GSE1: variants seen among roughly 807,000 people sequenced by gnomAD.
The protein encoded by GSE1 is Gse1 coiled-coil protein, also known as genetic suppressor element 1.
In GSE1, 32 loss-of-function variants were observed where a neutral mutation model predicts 112.6. The ratio of observed to expected loss-of-function variants is 0.28; its 90% CI spans 0.21 to 0.38. The LOEUF (loss-of-function observed/expected upper bound fraction) is 0.38, where lower values mean the gene tolerates loss of function less well. Ranked by LOEUF, GSE1 falls within the 10% of genes least tolerant of loss-of-function variation. GSE1 has a pLI of 1.00. For synonymous variants in GSE1, 1,115 were observed against 735.6 expected (o/e 1.52, Z -8.35); for missense variants, 2,348 against 1,699.2 (o/e 1.38, Z -6.71).
rs1207721960 is a variant in GSE1 at position 85,409,504 on chromosome 16, AG to A, written c.2464+51864del. On this transcript the variant is annotated intron_variant, in intron 2 of 2. Coordinates refer to the GSE1 transcript ENST00000637419. ...CTGGATAATCCTCACTGTTGCACTC[AG>A]GGCCCCCCGGATAATCCTCACTGTT... is the stretch of plus-strand genomic sequence containing the variant. Among the ~76,000 whole-genome samples, 6 of 8,598 alleles carry A rather than the reference AG, an allele frequency of 7.0e-4. 1 individual carries two copies. Among genetic ancestry groups the A allele is most frequent in the African/African-American group, 8.9e-4 (6 of 6,772 alleles). The allele number at this position is 8,598 out of a possible 152,430, so 5.6% of individuals were successfully genotyped here. A position where few individuals can be genotyped will look rare whatever the true frequency, so the allele number is the denominator to read the frequency against.
intron 2 of GSE1, among the ~76,000 whole-genome samples, chr16:85,544,123 C>G (rs1206600079): frequency 6.6e-6 from 1 of 152,224 alleles, no homozygotes; most frequent in Non-Finnish European, 1.5e-5. Flanking sequence ...GCGTGAGCCA[C>G]TGCGCCAGCC....
intron 2 of GSE1, among the ~76,000 whole-genome samples, chr16:85,549,268 G>C (rs2044819228): frequency 6.6e-6 from 1 of 151,266 alleles, no homozygotes. Context: ...TCAATTTCCT[G>C]GGCTCAAGAG....
chr16:85,332,661 C>A (rs1209615084), intron 1 of GSE1, among the ~76,000 whole-genome samples: 1 of 152,170 alleles, frequency 6.6e-6, no homozygotes, highest in African/African-American at 2.4e-5. Flanking sequence ...TCCTTTGCGC[C>A]ACACCGAGGG....
intron 1 of GSE1, among the ~76,000 whole-genome samples, chr16:85,240,601 G>A (rs1428171153): frequency 6.6e-6 from 1 of 152,238 alleles, no homozygotes; most frequent in African/African-American, 2.4e-5. Context: ...AGTTCCCGCT[G>A]CTAGGGGTCT....
At chr16:85,615,452 A>T (rs2048315548) in intron 1 of GSE1, among the ~76,000 whole-genome samples, 1 of 152,216 alleles carries the variant, frequency 6.6e-6, no homozygotes, top group East Asian at 1.9e-4. Flanking sequence ...GGCAGCAGAC[A>T]CCAAAGTCAG....
At chr16:85,362,741 G>A (rs2047107825) in intron 2 of GSE1, among the ~76,000 whole-genome samples, 2 of 152,134 alleles carry the variant, frequency 1.3e-5, no homozygotes, top group Admixed American at 1.3e-4. Context: ...CTGCCGTGTG[G>A]CACATCAGTG....
intron 2 of GSE1, among the ~76,000 whole-genome samples, chr16:85,538,859 C>T (rs759802436): frequency 2.6e-5 from 4 of 152,208 alleles, no homozygotes; most frequent in African/African-American, 9.7e-5. Context: ...TGGGGCTCCT[C>T]CCCATCTCCC....
chr16:85,610,981 C>G (rs763260558), upstream of GSE1, among the ~76,000 whole-genome samples: 47 of 152,354 alleles, frequency 3.1e-4, no homozygotes, highest in Non-Finnish European at 5.7e-4. Context: ...CCGTCGTGGT[C>G]CTGCTCAAAC....
intron 2 of GSE1, among the ~76,000 whole-genome samples, chr16:85,498,670 G>A (rs1353750048): frequency 5.9e-5 from 9 of 152,242 alleles, no homozygotes; most frequent in Non-Finnish European, 1.0e-4. Context: ...ACTCACACGT[G>A]TATGCACACG....
intron 1 of GSE1, among the ~76,000 whole-genome samples, chr16:85,296,993 C>T (rs1300138721): frequency 6.6e-6 from 1 of 152,186 alleles, no homozygotes; most frequent in Non-Finnish European, 1.5e-5. Flanking sequence ...CACTCTGTGC[C>T]TGCTGGGTGT....
chr16:85,253,474 T>C (rs1163526257), intron 1 of GSE1, among the ~76,000 whole-genome samples: 1 of 152,232 alleles, frequency 6.6e-6, no homozygotes. Flanking sequence ...TGTCTCCACC[T>C]GGGACCCCTT....
intron 2 of GSE1, among the ~76,000 whole-genome samples, chr16:85,496,170 G>A (rs1037252371): frequency 1.6e-4 from 24 of 152,184 alleles, no homozygotes; most frequent in African/African-American, 5.1e-4. Context: ...ACTTGACCTC[G>A]CTCCCCAGAG....
intron 1 of GSE1, among the ~76,000 whole-genome samples, chr16:85,242,021 G>A (rs955497626): frequency 5.3e-5 from 8 of 152,022 alleles, no homozygotes; most frequent in African/African-American, 1.9e-4. Context: ...CTGCTACACC[G>A]TCCTGGTGTC....
chr16:85,170,384 C>T (rs1477642999), exon 1 of GSE1: 9 of 985,326 alleles, frequency 9.1e-6, no homozygotes, highest in South Asian at 4.7e-5. Flanking sequence ...GTCCAAGAGG[C>T]CCCTGCAGAC....
chr16:85,618,969 T>C (rs1169819471), intron 1 of GSE1, among the ~76,000 whole-genome samples: 1 of 152,192 alleles, frequency 6.6e-6, no homozygotes, highest in Non-Finnish European at 1.5e-5. Flanking sequence ...CAGCTTGGCT[T>C]TAATTTATAA....
chr16:85,636,946 A>G (rs1008684158), intron 2 of GSE1, among the ~76,000 whole-genome samples: 5 of 152,054 alleles, frequency 3.3e-5, no homozygotes, highest in African/African-American at 9.7e-5. Flanking sequence ...CCCTGGTGCT[A>G]CCTCCCCATC....
intron 5 of GSE1, among the ~76,000 whole-genome samples, chr16:85,655,295 G>C (rs190282517): frequency 6.6e-6 from 1 of 152,348 alleles, no homozygotes; most frequent in African/African-American, 2.4e-5. Flanking sequence ...CCGTGGGAGA[G>C]GCGATGCTTT....
Position 85,642,388 on chromosome 16 carries a change from G to T in GSE1, c.227-6164G>T, listed in dbSNP as rs560728835. Among the ~76,000 whole-genome samples the T allele has an allele frequency of 7.2e-5, 11 of 152,326 alleles. No homozygotes were observed. The South Asian group carries it at 1.5e-3, about 20-fold the overall frequency. On this transcript the variant is annotated intron_variant, in intron 2 of 15. Transcript: ENST00000253458. ...AACTGATGACAGGAAGAGCCCCCAG[G>T]TTAGCAGACACACAGGGTCCCCTGG...
rs377523727 is a variant in GSE1, at chr16:85,191,972, G to A, written c.2283+20165G>A. 1.3e-3 allele frequency among the ~76,000 whole-genome samples: 205 copies of A among 152,278 alleles called. No individual in the cohort carries two copies. The Middle Eastern group carries it at 0.014, about 10-fold the overall frequency. ...GGGGCAGGGCACCAAGGAGGACAAG[G>A]GCAGCAGTTTTGAATCTTTCCGAAG... On this transcript the variant is annotated intron_variant, in intron 1 of 2. Transcript: ENST00000637419.
Sources: gnomAD v4.1 joint callset for allele counts (sites outside exome capture counted in the v4.1 genomes callset) on GRCh38, gnomAD v4.1.1 for gene constraint, MANE v1.5 for transcripts, NCBI Gene and HGNC (gene_info 2026-07-23, HGNC 2026-07-21) for gene names.